TNRC6A: variants seen among roughly 807,000 people sequenced by gnomAD.
TNRC6A encodes the protein trinucleotide repeat containing adaptor 6A.
In TNRC6A, 44 loss-of-function variants were observed where a neutral mutation model predicts 221.2. That is an observed-to-expected ratio of 0.20 (90% CI 0.16 to 0.26). The LOEUF (loss-of-function observed/expected upper bound fraction) is 0.26, where lower values mean the gene tolerates loss of function less well. TNRC6A is among the 10% of genes least tolerant of loss of function. The pLI is 1.00. For missense variants in TNRC6A, 2,199 were observed against 2,404.4 expected (o/e 0.91, Z 1.79); for synonymous variants, 847 against 838.5 (o/e 1.01, Z -0.18).
intron 2 of TNRC6A, among the ~76,000 whole-genome samples, chr16:24,673,111 G>A (rs962068591): frequency 6.6e-6 from 1 of 151,894 alleles, no homozygotes; most frequent in African/African-American, 2.4e-5. Flanking sequence ...AGGCAGATGT[G>A]GAAGAATTGC....
intron 11 of TNRC6A, among the ~76,000 whole-genome samples, chr16:24,798,586 T>G (rs1244381924): frequency 6.6e-6 from 1 of 152,056 alleles, no homozygotes; most frequent in Non-Finnish European, 1.5e-5. Context: ...GCAAAACCAG[T>G]AGATAGTTGT....
intron 2 of TNRC6A, among the ~76,000 whole-genome samples, chr16:24,734,513 C>A (rs1233865795): frequency 6.6e-6 from 1 of 152,146 alleles, no homozygotes; most frequent in Admixed American, 6.5e-5. Flanking sequence ...TGGACTATGA[C>A]TTTAGATAGA....
intron 2 of TNRC6A, among the ~76,000 whole-genome samples, chr16:24,733,110 G>A (rs951842678): frequency 5.3e-5 from 8 of 152,102 alleles, no homozygotes; most frequent in African/African-American, 1.9e-4. Flanking sequence ...CCAGCTACCC[G>A]GGAGGCTGAG....
chr16:24,730,426 G>A, intron 2 of TNRC6A, 126 bp downstream of exon 2: 1 of 1,127,286 alleles, frequency 8.9e-7, no homozygotes, highest in Non-Finnish European at 1.3e-6. Context: ...CAGACATTCG[G>A]GAGAAGCGGC....
At chr16:24,748,976 G>A (rs1347350981) in intron 2 of TNRC6A, among the ~76,000 whole-genome samples, 1 of 152,046 alleles carries the variant, frequency 6.6e-6, no homozygotes, top group Non-Finnish European at 1.5e-5. Context: ...CCAGTTTCAC[G>A]CCATTCTCCT....
intron 2 of TNRC6A, among the ~76,000 whole-genome samples, chr16:24,710,010 C>A (rs1004233371): frequency 6.6e-6 from 1 of 151,202 alleles, no homozygotes; most frequent in Non-Finnish European, 1.5e-5. Flanking sequence ...GGCAGAGCAC[C>A]TGAGGTTGGG....
At chr16:24,782,311 T>C (rs1596697198) in intron 5 of TNRC6A, among the ~76,000 whole-genome samples, 1 of 152,344 alleles carries the variant, frequency 6.6e-6, no homozygotes, top group East Asian at 1.9e-4. Flanking sequence ...GATTCATGCA[T>C]TGCATTTGGT....
chr16:24,698,789 C>T (rs571712324), intron 2 of TNRC6A, among the ~76,000 whole-genome samples: 1 of 152,164 alleles, frequency 6.6e-6, no homozygotes, highest in East Asian at 1.9e-4. Flanking sequence ...CAGCTCACTG[C>T]AACCTCTGCC....
chr16:24,807,131 G>A (rs1426401332), intron 17 of TNRC6A, among the ~76,000 whole-genome samples: 4 of 151,476 alleles, frequency 2.6e-5, no homozygotes, highest in Non-Finnish European at 5.9e-5. Context: ...TCAGCTTCCC[G>A]AGTAGCTGGG....
chr16:24,635,125 T>TTTATTTC (rs1391400803), intron 1 of TNRC6A, among the ~76,000 whole-genome samples: 148 of 75,980 alleles, frequency 1.9e-3, no homozygotes, highest in African/African-American at 0.015. Flanking sequence ...CTTTTCTTTC[T>TTTATTTC]TTTTCTTTCT....
intron 2 of TNRC6A, among the ~76,000 whole-genome samples, chr16:24,717,392 A>G (rs1241658932): frequency 1.3e-5 from 2 of 152,236 alleles, no homozygotes; most frequent in Non-Finnish European, 2.9e-5. Context: ...GACTGAGAGC[A>G]AAGGAGGACA....
At chr16:24,774,068 T>C (rs1016539270) in intron 4 of TNRC6A, among the ~76,000 whole-genome samples, 5 of 152,216 alleles carry the variant, frequency 3.3e-5, no homozygotes, top group Admixed American at 2.0e-4. Context: ...AAAATTCCAT[T>C]TTCCATGTCC....
At chr16:24,719,344 G>A (rs991258956) in intron 2 of TNRC6A, among the ~76,000 whole-genome samples, 29 of 152,052 alleles carry the variant, frequency 1.9e-4, no homozygotes, top group African/African-American at 6.8e-4. Flanking sequence ...GGCAACGTAG[G>A]GAGATCCTAT....
chr16:24,638,772 T>C (rs1214130695), intron 1 of TNRC6A, among the ~76,000 whole-genome samples: 3 of 151,880 alleles, frequency 2.0e-5, no homozygotes, highest in Admixed American at 6.6e-5. Context: ...CTCTAAATGG[T>C]GTTGTATTTA....
At chr16:24,750,554 T>C (rs1193567674) in intron 2 of TNRC6A, among the ~76,000 whole-genome samples, 172 bp from the exon 3 acceptor site, 1 of 152,236 alleles carries the variant, frequency 6.6e-6, no homozygotes, top group Non-Finnish European at 1.5e-5. Context: ...TACCATATAG[T>C]GGCTATATAG....
chr16:24,612,351 C>T (rs1335557333), intron 1 of TNRC6A, among the ~76,000 whole-genome samples: 1 of 152,124 alleles, frequency 6.6e-6, no homozygotes, highest in Non-Finnish European at 1.5e-5. Flanking sequence ...CTCATTAGGT[C>T]ACTTGCTTAA....
At chr16:24,769,337 G>A (rs916202147) in intron 4 of TNRC6A, among the ~76,000 whole-genome samples, 2 of 151,754 alleles carry the variant, frequency 1.3e-5, no homozygotes, top group Admixed American at 1.3e-4. Context: ...CTAGGAAAAG[G>A]TAGGGTGAAT....
intron 2 of TNRC6A, among the ~76,000 whole-genome samples, chr16:24,731,058 A>C (rs1163495286): frequency 6.6e-6 from 1 of 151,394 alleles, no homozygotes; most frequent in Non-Finnish European, 1.5e-5. Context: ...AGCATCAAGG[A>C]ATTGTACTGT....
At chr16:24,628,860 G>C (rs916733618) in intron 1 of TNRC6A, among the ~76,000 whole-genome samples, 2 of 151,778 alleles carry the variant, frequency 1.3e-5, no homozygotes, top group Non-Finnish European at 2.9e-5. Flanking sequence ...ATTTTCATCG[G>C]ATTTGGAGTT....
Sources: allele counts gnomAD v4.1 joint callset (sites outside exome capture counted in the v4.1 genomes callset), GRCh38; gene constraint gnomAD v4.1.1; transcripts MANE v1.5; gene names NCBI Gene and HGNC (gene_info 2026-07-23, HGNC 2026-07-21).